Variants in CDYL observed in about 807,000 individuals in gnomAD.
CDYL encodes the protein chromodomain Y-like protein.
Under a neutral mutation model 47.3 loss-of-function variants are expected in CDYL, and 8 were observed. That is an observed-to-expected ratio of 0.17 (90% CI 0.10 to 0.31). The LOEUF is 0.31. Among genes scored for constraint, CDYL ranks in the 10% least tolerant of loss-of-function variants. The probability of loss-of-function intolerance (pLI) is 1.00; values close to 1 mark genes in which losing one functional copy is unlikely to be tolerated. For missense variants in CDYL, 471 were observed against 701.4 expected, an observed-to-expected ratio of 0.67 and a Z score of 3.71; for synonymous variants, 266 against 265.0, an observed-to-expected ratio of 1.00 and a Z score of -0.04.
At chr6:4,860,560 T>C (rs1331314866) in intron 1 of CDYL, among the ~76,000 whole-genome samples, 1 of 147,652 alleles carries the variant, frequency 6.8e-6, no homozygotes, top group Non-Finnish European at 1.5e-5. Flanking sequence ...TTACATATTA[T>C]TATATATATT....
At chr6:4,887,295 T>C (rs1363644790) in intron 1 of CDYL, among the ~76,000 whole-genome samples, 1 of 152,212 alleles carries the variant, frequency 6.6e-6, no homozygotes, top group Non-Finnish European at 1.5e-5. Flanking sequence ...GAGAGTTTTA[T>C]GGTATTAACA....
At chr6:4,715,892 G>A (rs1046785668) in intron 2 of CDYL, 2 of 1,611,988 alleles carry the variant, frequency 1.2e-6, no homozygotes, top group Admixed American at 1.7e-5. Context: ...GTAAGAACTT[G>A]CAGGAATCAA....
intron 1 of CDYL, among the ~76,000 whole-genome samples, chr6:4,869,099 ATTT>A (rs369510791): frequency 0.036 from 4,943 of 138,764 alleles, 277 homozygotes; most frequent in African/African-American, 0.12. Flanking sequence ...TTTCTTTCTT[ATTT>A]TTTTTTTTTT....
At chr6:4,723,163 A>G (rs1470091890) in intron 2 of CDYL, among the ~76,000 whole-genome samples, 8 of 152,254 alleles carry the variant, frequency 5.3e-5, no homozygotes, top group Admixed American at 4.6e-4. Flanking sequence ...ATACAAATTT[A>G]AAACCCATGT....
At chr6:4,761,962 T>G (rs187967980) in intron 3 of CDYL, among the ~76,000 whole-genome samples, 1 of 152,298 alleles carries the variant, frequency 6.6e-6, no homozygotes, top group East Asian at 1.9e-4. Context: ...TTAAAAACAC[T>G]GAGCTAGGGT....
intron 4 of CDYL, 44 bp downstream of exon 4, chr6:4,937,781 T>C (rs1758243484): frequency 6.5e-7 from 1 of 1,530,770 alleles, no homozygotes; most frequent in African/African-American, 1.4e-5. Flanking sequence ...GGGTGTTTTG[T>C]TTTTGGTAAA....
At chr6:4,894,478 A>C (rs998281769) in intron 2 of CDYL, among the ~76,000 whole-genome samples, 16 of 152,206 alleles carry the variant, frequency 1.1e-4, no homozygotes, top group Non-Finnish European at 2.4e-4. Flanking sequence ...ATCGGGAGGA[A>C]TATTTACTAA....
In CDYL at chr6:4,892,233, C is replaced by T; in HGVS notation, c.545C>T (p.Ala182Val). ...GAGGACACAGTGGCACCCGAAGTGG[C>T]AGCGGAAAAGCCGGTCGGAGCTTTA... ...GQEDTVAPEV[A>V]AEKPVGALLG... The change falls in exon 2 of 7, where the codon GCA becomes GTA. Residue 182 changes from alanine (A) to valine (V), a missense_variant. Physicochemically the swap from Ala to Val is moderately conservative, Grantham distance 64. This residue lies in a region of CDYL where 311 missense variants were observed against 350.0 expected (regional missense o/e 0.89). Transcript: ENST00000397588. The T allele has an allele frequency of 6.2e-7, 1 of 1,614,208 alleles. No individual in the cohort carries two copies.
At chr6:4,767,282 A>G (rs1190060530) in intron 3 of CDYL, among the ~76,000 whole-genome samples, 3 of 151,984 alleles carry the variant, frequency 2.0e-5, no homozygotes, top group African/African-American at 7.3e-5. Flanking sequence ...AGTTTAGAAA[A>G]CTAGGATGGA....
intron 1 of CDYL, among the ~76,000 whole-genome samples, chr6:4,867,956 C>G (rs1388869369): frequency 6.6e-6 from 1 of 151,754 alleles, no homozygotes; most frequent in Non-Finnish European, 1.5e-5. Flanking sequence ...AGTGATGTCT[C>G]CTCTTTCATT....
intron 1 of CDYL, among the ~76,000 whole-genome samples, chr6:4,816,498 CTTTTT>C (rs1332068497): frequency 7.8e-6 from 1 of 127,644 alleles, no homozygotes. Flanking sequence ...TTCTTTCTTT[CTTTTT>C]TTTTTTTTTT....
At chr6:4,906,567 G>A (rs186284950) in intron 2 of CDYL, among the ~76,000 whole-genome samples, 4 of 152,256 alleles carry the variant, frequency 2.6e-5, no homozygotes, top group Admixed American at 1.3e-4. Context: ...AGAGTGTATC[G>A]GTTGCTTCTG....
chr6:4,835,946 G>A (rs1760290420), intron 1 of CDYL, among the ~76,000 whole-genome samples: 1 of 152,194 alleles, frequency 6.6e-6, no homozygotes, highest in African/African-American at 2.4e-5. Context: ...GCAGTATTCG[G>A]GTGGGAGTGA....
At chr6:4,739,907 C>T (rs1757766781) in intron 3 of CDYL, among the ~76,000 whole-genome samples, 1 of 151,580 alleles carries the variant, frequency 6.6e-6, no homozygotes, top group Non-Finnish European at 1.5e-5. Flanking sequence ...GAGCCAAGAT[C>T]ATGCCATTGC....
chr6:4,934,619 A>G (rs2127519084), intron 2 of CDYL, among the ~76,000 whole-genome samples: 1 of 152,262 alleles, frequency 6.6e-6, no homozygotes, highest in South Asian at 2.1e-4. Flanking sequence ...TACATTCATC[A>G]CCACATTGGA....
chr6:4,888,504 T>C (rs1761956931), intron 1 of CDYL, among the ~76,000 whole-genome samples: 1 of 152,208 alleles, frequency 6.6e-6, no homozygotes, highest in Non-Finnish European at 1.5e-5. Context: ...TAATTCCTGG[T>C]ATTAGAAATG....
Position 4,731,748 on chromosome 6 carries a change from G to A in CDYL, c.104-3014G>A, listed in dbSNP as rs765705430. On this transcript the variant is annotated intron_variant, in intron 2 of 8. Coordinates refer to the CDYL transcript ENST00000328908. Reference sequence around the variant, plus strand: ...CCAGAGGCAGAGGTTGCAGTGAGCCGAGATGCAGGTTGCAGTGAGCCAACA... The same window carrying A: ...CCAGAGGCAGAGGTTGCAGTGAGCCAAGATGCAGGTTGCAGTGAGCCAACA... Among the ~76,000 whole-genome samples the A allele has an allele frequency of 4.6e-5, 7 of 151,882 alleles. No individual in the cohort carries two copies. In the East Asian group the frequency reaches 5.8e-4, roughly 13 times the overall value.
Position 4,903,850 on chromosome 6 carries a change from C to G in CDYL, c.691+11471C>G, listed in dbSNP as rs536167095. Among the ~76,000 whole-genome samples, 23 of 152,360 alleles carry G rather than the reference C, an allele frequency of 1.5e-4. No homozygotes were observed. In the East Asian group the frequency reaches 4.4e-3, roughly 29 times the overall value. The stretch of plus-strand genomic sequence containing the variant: ...GCTTGCTTTTAGTTTCGGATTCACT[C>G]TATGTCCCATGCCATACACCCATCA... On this transcript the variant is annotated intron_variant, in intron 2 of 6. Coordinates refer to ENST00000397588, the MANE Select transcript of CDYL (RefSeq NM_004824.4).
chr6:4,804,958 TAAGAG>T (rs1263390008), intron 1 of CDYL, among the ~76,000 whole-genome samples: 1 of 152,154 alleles, frequency 6.6e-6, no homozygotes, highest in East Asian at 1.9e-4. Flanking sequence ...TTGTTTTAAA[TAAGAG>T]AAGAAAGAGG....
Sources: allele counts gnomAD v4.1 joint callset (sites outside exome capture counted in the v4.1 genomes callset), GRCh38; gene constraint gnomAD v4.1.1; regional missense constraint gnomAD v4.1.1; transcripts MANE v1.5; gene names NCBI Gene and HGNC (gene_info 2026-07-23, HGNC 2026-07-21).